The following CCDC178 variants were observed in gnomAD, a reference collection of about 807,000 sequenced individuals.
The protein encoded by CCDC178 is coiled-coil domain containing 178.
A neutral mutation model predicts 117.4 loss-of-function variants in CCDC178; 126 were observed. The ratio of observed to expected loss-of-function variants is 1.07; its 90% CI spans 0.93 to 1.24. The LOEUF is 1.24. Among genes scored for constraint, CCDC178 ranks in the 50% most tolerant of loss-of-function variants. CCDC178 has a pLI of 0.00. For missense variants in CCDC178, 1,030 were observed against 986.9 expected (o/e 1.04, Z -0.59); for synonymous variants, 283 against 313.4 (o/e 0.90, Z 1.02).
chr18:33,377,260 T>A (rs564995131), intron 5 of CCDC178, among the ~76,000 whole-genome samples: 1 of 149,932 alleles, frequency 6.7e-6, no homozygotes, highest in Admixed American at 6.7e-5. Context: ...TTTTGAAAAG[T>A]GTTTATGTCT....
At chr18:33,255,049 T>C (rs1212706281) in intron 14 of CCDC178, among the ~76,000 whole-genome samples, 1 of 151,996 alleles carries the variant, frequency 6.6e-6, no homozygotes, top group Non-Finnish European at 1.5e-5. Context: ...TTAGTTTTTA[T>C]GGGAATTAAT....
At chr18:33,309,616 C>G (rs1303748494) in intron 11 of CCDC178, among the ~76,000 whole-genome samples, 1 of 152,054 alleles carries the variant, frequency 6.6e-6, no homozygotes, top group African/African-American at 2.4e-5. Flanking sequence ...ATGCCGACAT[C>G]TGAAAAACAG....
chr18:33,164,342 G>A (rs768442147), intron 20 of CCDC178, among the ~76,000 whole-genome samples: 45 of 151,686 alleles, frequency 3.0e-4, no homozygotes, highest in Non-Finnish European at 5.2e-4. Context: ...CAGGTGATCC[G>A]ACCTCAGGTG....
chr18:33,404,803 T>C (rs1025494891), intron 3 of CCDC178, among the ~76,000 whole-genome samples: 5 of 151,954 alleles, frequency 3.3e-5, no homozygotes, highest in African/African-American at 1.2e-4. Flanking sequence ...TATGAATACA[T>C]TTTACAACAT....
chr18:33,391,999 G>A (rs9807285), intron 4 of CCDC178, among the ~76,000 whole-genome samples: 1 of 151,968 alleles, frequency 6.6e-6, no homozygotes, highest in African/African-American at 2.4e-5. Context: ...AAGTAGCTGG[G>A]ACTACAGGAG....
At chr18:33,193,362 G>GA (rs1598984766) in intron 20 of CCDC178, among the ~76,000 whole-genome samples, 2 of 149,308 alleles carry the variant, frequency 1.3e-5, no homozygotes, top group Non-Finnish European at 3.0e-5. Flanking sequence ...TGTGGCAGAG[G>GA]AAAAAAACTA....
intron 6 of CCDC178, 126 bp downstream of exon 6, chr18:33,369,924 A>G: frequency 2.6e-6 from 2 of 781,512 alleles, no homozygotes; most frequent in Non-Finnish European, 3.9e-6. Flanking sequence ...AACTGAGCAA[A>G]GATTCTTAAA....
chr18:32,961,595 C>T (rs2054703849), intron 22 of CCDC178, among the ~76,000 whole-genome samples: 1 of 152,134 alleles, frequency 6.6e-6, no homozygotes, highest in African/African-American at 2.4e-5. Flanking sequence ...AATTTTTCCA[C>T]AGACAGAGCA....
intron 21 of CCDC178, among the ~76,000 whole-genome samples, chr18:33,007,191 G>A (rs965328074): frequency 3.3e-5 from 5 of 152,032 alleles, no homozygotes; most frequent in Admixed American, 6.6e-5. Flanking sequence ...TATGTTCACA[G>A]AATTTATAAA....
rs72948872 is a variant in CCDC178 at position 33,324,088 on chromosome 18, A to C, written c.880-455T>G. 9.2e-3 allele frequency among the ~76,000 whole-genome samples: 1,395 copies of C among 151,940 alleles called. 8 individuals carry two copies. Among genetic ancestry groups the C allele is most frequent in the South Asian group, 0.02 (95 of 4,828 alleles). On this transcript the variant is annotated intron_variant, in intron 10 of 22. Coordinates refer to ENST00000383096, the MANE Select transcript of CCDC178 (RefSeq NM_001105528.4). ...CTTAGTGTAATACTTCAAAATATTCAGTTTTTACTCTTTTTACTAATGAAC... is the reference window on the plus strand; with the variant it reads ...CTTAGTGTAATACTTCAAAATATTCCGTTTTTACTCTTTTTACTAATGAAC...
At chr18:32,984,877 C>T (rs533588945) in intron 21 of CCDC178, among the ~76,000 whole-genome samples, 1 of 151,742 alleles carries the variant, frequency 6.6e-6, no homozygotes, top group East Asian at 1.9e-4. Context: ...CAGTCTTTTG[C>T]CCAAAAGTAA....
At chr18:33,244,695 G>A (rs558270235) in intron 15 of CCDC178, among the ~76,000 whole-genome samples, 3 of 151,972 alleles carry the variant, frequency 2.0e-5, no homozygotes, top group Non-Finnish European at 2.9e-5. Flanking sequence ...TCATAGCAGC[G>A]TGAGAATGGA....
At chr18:33,286,075 G>A (rs1169529836) in intron 12 of CCDC178, among the ~76,000 whole-genome samples, 1 of 149,012 alleles carries the variant, frequency 6.7e-6, no homozygotes, top group Non-Finnish European at 1.5e-5. Context: ...CCGGTTTCAA[G>A]CAATTCTCCT....
intron 21 of CCDC178, among the ~76,000 whole-genome samples, chr18:32,988,342 A>G (rs2055312891): frequency 6.6e-6 from 1 of 151,840 alleles, no homozygotes; most frequent in Non-Finnish European, 1.5e-5. Context: ...AGGCTGAGGC[A>G]GGAGAATCGC....
At chr18:33,353,241 T>C (rs2063001552) in intron 7 of CCDC178, among the ~76,000 whole-genome samples, 1 of 152,128 alleles carries the variant, frequency 6.6e-6, no homozygotes, top group Admixed American at 6.5e-5. Context: ...TTTTACTTAC[T>C]ATTTGCATGG....
At chr18:33,133,476 G>C (rs1484083378) in intron 20 of CCDC178, among the ~76,000 whole-genome samples, 3 of 151,784 alleles carry the variant, frequency 2.0e-5, no homozygotes, top group Non-Finnish European at 4.4e-5. Flanking sequence ...ATCCCTGAAG[G>C]CCTGCTGTGA....
At chr18:33,008,423 T>C (rs1346465964) in intron 21 of CCDC178, among the ~76,000 whole-genome samples, 2 of 152,122 alleles carry the variant, frequency 1.3e-5, no homozygotes, top group African/African-American at 2.4e-5. Flanking sequence ...CTTCTACTTG[T>C]GCAATCGATT....
chr18:33,268,591 C>T (rs985016824), intron 12 of CCDC178, among the ~76,000 whole-genome samples: 1 of 151,544 alleles, frequency 6.6e-6, no homozygotes, highest in Non-Finnish European at 1.5e-5. Context: ...CCGAGTAAAC[C>T]AAGAGATCTG....
chr18:33,153,371 T>C (rs1213716976), intron 20 of CCDC178, among the ~76,000 whole-genome samples: 3 of 151,574 alleles, frequency 2.0e-5, no homozygotes, highest in Admixed American at 1.3e-4. Flanking sequence ...TTTTGGAAAA[T>C]AGAAAATTAA....
Sources: gnomAD v4.1 joint callset for allele counts (sites outside exome capture counted in the v4.1 genomes callset) on GRCh38, gnomAD v4.1.1 for gene constraint, MANE v1.5 for transcripts, NCBI Gene and HGNC (gene_info 2026-07-23, HGNC 2026-07-21) for gene names.